Variants in NRAP observed in about 807,000 individuals in gnomAD.
The protein encoded by NRAP is nebulin-related-anchoring protein.
In NRAP, 189 loss-of-function variants were observed where a neutral mutation model predicts 225.9. The ratio of observed to expected loss-of-function variants is 0.84; its 90% CI spans 0.74 to 0.94. NRAP has a LOEUF of 0.94. Among genes scored for constraint, NRAP ranks in the 40% least tolerant of loss-of-function variants. NRAP has a pLI of 0.00. For synonymous variants in NRAP, 769 were observed against 790.7 expected (o/e 0.97, Z 0.46); for missense variants, 2,176 against 2,168.7 (o/e 1.00, Z -0.07).
rs1417065011 is a variant in NRAP, at chr10:113,617,303, A to AC, written c.2973+151dup. On this transcript the variant is annotated intron_variant, in intron 26 of 41. Transcript: ENST00000359988. ...CCCATTTGCATCCTAATGAGGAAGC[A>AC]CCCCCCGCTAAGGGAGCCTCTGCAA... 14 of 524,390 alleles carry AC rather than the reference A, an allele frequency of 2.7e-5. No homozygotes were observed. The South Asian group carries it at 3.3e-4, about 12-fold the overall frequency. 32.5% of individuals were successfully genotyped at this position (524,390 alleles called of 1,614,324 possible). A position where few individuals can be genotyped will look rare whatever the true frequency, so the allele number is the denominator to read the frequency against.
chr10:113,647,017 T>A lies in NRAP; in HGVS notation c.899A>T (p.Glu300Val). Residue 300 changes from glutamate (E) to valine (V), a missense_variant, in exon 10 of 42, where the codon GAG (glutamate) becomes GTG (valine). Physicochemically the swap from Glu to Val is moderately radical, Grantham distance 121 (BLOSUM62 -2). Transcript: ENST00000359988. ...CTTTCCCCTGTGCTCCTCATACTCC[T>A]CCGGGTAACCCTGCCGGGTGCATCA... is the stretch of plus-strand genomic sequence containing the variant. ...CADQYGQGYP[E>V]EYEEHRGKGS... The A allele has an allele frequency of 6.2e-7, 1 of 1,613,274 alleles. No homozygotes were observed. Among genetic ancestry groups the A allele is most frequent in the Admixed American group, 1.7e-5 (1 of 60,022 alleles).
At chr10:113,639,625 C>T (rs540680276) in intron 14 of NRAP, among the ~76,000 whole-genome samples, 13 of 152,184 alleles carry the variant, frequency 8.5e-5, no homozygotes, top group African/African-American at 2.6e-4. Context: ...TGCACTTTTC[C>T]GTATTTTCTA....
intron 14 of NRAP, among the ~76,000 whole-genome samples, chr10:113,639,830 T>C (rs1054066346): frequency 2.0e-5 from 3 of 152,226 alleles, no homozygotes; most frequent in Non-Finnish European, 4.4e-5. Flanking sequence ...TCAACTTGTA[T>C]GTAGACATTT....
chr10:113,598,100 A>C (rs1592730207), intron 35 of NRAP, 27 bp from the exon 36 acceptor site: 2 of 1,404,442 alleles, frequency 1.4e-6, no homozygotes, highest in African/African-American at 2.8e-5. Flanking sequence ...CATGGGCTTT[A>C]TCAGGAGAGT....
At chr10:113,630,658 C>T (rs564120716) in intron 18 of NRAP, among the ~76,000 whole-genome samples, 13 of 152,280 alleles carry the variant, frequency 8.5e-5, no homozygotes, top group Admixed American at 7.8e-4. Flanking sequence ...TATGAAACAC[C>T]AATGTGTTCT....
At chr10:113,644,316 A>G (rs920511484) in intron 11 of NRAP, among the ~76,000 whole-genome samples, 1 of 152,104 alleles carries the variant, frequency 6.6e-6, no homozygotes, top group Non-Finnish European at 1.5e-5. Flanking sequence ...CTAATGATGG[A>G]AAAGGTCCCA....
chr10:113,589,158 C>A, intron 41 of NRAP, 79 bp from the exon 42 acceptor site: 1 of 1,144,342 alleles, frequency 8.7e-7, no homozygotes, highest in Non-Finnish European at 1.3e-6. Context: ...ACAGGACACG[C>A]TAAGAAGCAC....
At chr10:113,635,908 T>G (rs1848842068) in intron 14 of NRAP, among the ~76,000 whole-genome samples, 1 of 152,210 alleles carries the variant, frequency 6.6e-6, no homozygotes, top group Non-Finnish European at 1.5e-5. Context: ...GTGAGCAAAC[T>G]CAGACATTCC....
In NRAP at chr10:113,588,825, C is replaced by CCAT. The variant is rs1024297789; in HGVS notation, c.*147_*149dup. ...GAGAGGACCACAAATACAACATTCT[C>CCAT]CATCTGCTTTCAGAGTTATTATTTT... On this transcript the variant is annotated 3_prime_UTR_variant, in exon 42 of 42. Coordinates refer to ENST00000359988, the MANE Select transcript of NRAP (RefSeq NM_198060.4). 1.5e-6 allele frequency: 1 copy of CCAT among 664,848 alleles called. No individual in the cohort carries two copies. The highest frequency in any genetic ancestry group is 2.6e-5 in the East Asian group (1 of 39,020). The allele number at this position is 664,848 out of a possible 1,614,324, so 41.2% of individuals were successfully genotyped here.
chr10:113,592,585 GC>G (rs1024822193), intron 38 of NRAP, among the ~76,000 whole-genome samples: 6 of 147,014 alleles, frequency 4.1e-5, no homozygotes, highest in Non-Finnish European at 9.0e-5. Context: ...GGTATCAGAA[GC>G]CTCCACCCCA....
intron 8 of NRAP, 77 bp downstream of exon 8, chr10:113,650,361 C>T: frequency 1.9e-6 from 2 of 1,072,908 alleles, no homozygotes; most frequent in Non-Finnish European, 2.9e-6. Flanking sequence ...CAAAAGTCAA[C>T]AGGAAGTTGG....
chr10:113,603,567 G>T (rs1227704415), intron 35 of NRAP, among the ~76,000 whole-genome samples: 1 of 152,130 alleles, frequency 6.6e-6, no homozygotes, highest in East Asian at 1.9e-4. Context: ...AAGCAAAGGC[G>T]AGCAGTCAGT....
chr10:113,650,647 A>G, intron 7 of NRAP, 102 bp from the exon 8 acceptor site: 1 of 780,142 alleles, frequency 1.3e-6, no homozygotes, highest in Non-Finnish European at 2.2e-6. Flanking sequence ...ATCTCCTGTC[A>G]TAGCTCATAA....
chr10:113,606,017 T>C (rs1344284871), intron 33 of NRAP, 148 bp from the exon 34 acceptor site: 2 of 787,934 alleles, frequency 2.5e-6, no homozygotes, highest in Non-Finnish European at 2.2e-6. Flanking sequence ...GGTACACTCA[T>C]GGACTCATAT....
rs779775200 is a variant in NRAP, at chr10:113,597,930, T to G, written c.4332+39A>C. ...TCCCTCTTCAAAAGGAAATGCTAGCTTGCCCTTGTCACTTGTGGTGGGGAC... is the reference window on the plus strand; with the variant it reads ...TCCCTCTTCAAAAGGAAATGCTAGCGTGCCCTTGTCACTTGTGGTGGGGAC... On this transcript the variant is annotated intron_variant, in intron 36 of 41. Coordinates refer to ENST00000359988, the MANE Select transcript of NRAP (RefSeq NM_198060.4). 3.7e-6 allele frequency: 5 copies of G among 1,368,272 alleles called. No individual in the cohort carries two copies. In the East Asian group the frequency reaches 9.1e-5, roughly 25 times the overall value. 84.8% of individuals were successfully genotyped at this position (1,368,272 alleles called of 1,614,324 possible).
At chr10:113,612,507 C>A (rs1026561093) in intron 29 of NRAP, 76 bp from the exon 30 acceptor site, 3 of 1,221,480 alleles carry the variant, frequency 2.5e-6, no homozygotes, top group Admixed American at 3.7e-5. Flanking sequence ...AGGGCAACTG[C>A]AATGCAGTTG....
chr10:113,631,426 A>C, intron 18 of NRAP, 83 bp downstream of exon 18: 1 of 727,496 alleles, frequency 1.4e-6, no homozygotes. Flanking sequence ...AAAAGGTTAC[A>C]GTCCCAGGTG....
At chr10:113,653,952 A>G in intron 5 of NRAP, 69 bp downstream of exon 5, 1 of 927,680 alleles carries the variant, frequency 1.1e-6, no homozygotes, top group Admixed American at 1.7e-5. Flanking sequence ...TGTAAAAGTC[A>G]AGGAACAGTC....
chr10:113,599,431 T>C (rs762116261), intron 35 of NRAP, among the ~76,000 whole-genome samples: 29 of 152,228 alleles, frequency 1.9e-4, no homozygotes, highest in Non-Finnish European at 3.1e-4. Context: ...ACAGAGAAAA[T>C]TGGATAAATT....
Sources: gnomAD v4.1 joint callset for allele counts (sites outside exome capture counted in the v4.1 genomes callset) on GRCh38, gnomAD v4.1.1 for gene constraint, MANE v1.5 for transcripts, NCBI Gene and HGNC (gene_info 2026-07-23, HGNC 2026-07-21) for gene names.